ZNF620: variants seen among roughly 807,000 people sequenced by gnomAD.
ZNF620 encodes the protein zinc finger protein 620.
A neutral mutation model predicts 13.3 loss-of-function variants in ZNF620; 10 were observed. That is an observed-to-expected ratio of 0.75 (90% CI 0.46 to 1.28). The LOEUF (loss-of-function observed/expected upper bound fraction) is 1.28, where lower values mean the gene tolerates loss of function less well. Ranked by LOEUF, ZNF620 falls within the 50% of genes most tolerant of loss-of-function variation. ZNF620 has a pLI of 0.00. For synonymous variants in ZNF620, 166 were observed against 177.6 expected (o/e 0.93, Z 0.52); for missense variants, 461 against 500.2 (o/e 0.92, Z 0.75).
intron 2 of ZNF620, among the ~76,000 whole-genome samples, chr3:40,508,473 A>T (rs1698096861): frequency 6.6e-6 from 1 of 152,202 alleles, no homozygotes; most frequent in Non-Finnish European, 1.5e-5. Context: ...GGGATTTTCC[A>T]GGAGTCTTTC....
chr3:40,510,064 A>C (rs898806593), intron 2 of ZNF620, among the ~76,000 whole-genome samples: 13 of 150,472 alleles, frequency 8.6e-5, no homozygotes, highest in Admixed American at 1.3e-4. Context: ...ACTGTCACCC[A>C]TGCCAGAGTA....
chr3:40,512,063 T>C (rs1313215527), intron 3 of ZNF620, among the ~76,000 whole-genome samples: 3 of 152,162 alleles, frequency 2.0e-5, no homozygotes, highest in African/African-American at 7.2e-5. Flanking sequence ...GAGAGAGCCC[T>C]GCGTTCCCAG....
Position 40,517,056 on chromosome 3 carries a change from A to T in ZNF620, c.*193A>T. The T allele has an allele frequency of 2.0e-6, 1 of 501,178 alleles. No individual in the cohort carries two copies. 31.0% of individuals were successfully genotyped at this position (501,178 alleles called of 1,614,324 possible). On this transcript the variant is annotated 3_prime_UTR_variant, in exon 5 of 5. Coordinates refer to ENST00000314529, the MANE Select transcript of ZNF620 (RefSeq NM_175888.4). ...AGAAGACCAAAAAACAAACAAACAA[A>T]CTTAGAAACATAAAAGGAAATGTAA... is the stretch of plus-strand genomic sequence containing the variant.
intron 4 of ZNF620, among the ~76,000 whole-genome samples, chr3:40,512,913 C>T (rs1698244093): frequency 6.6e-6 from 1 of 152,020 alleles, no homozygotes; most frequent in Non-Finnish European, 1.5e-5. Flanking sequence ...CATGGCTGGC[C>T]ATCTGCATAT....
At chr3:40,512,177 G>C (rs1471445528) in intron 3 of ZNF620, among the ~76,000 whole-genome samples, 1 of 152,218 alleles carries the variant, frequency 6.6e-6, no homozygotes, top group African/African-American at 2.4e-5. Flanking sequence ...TGTCTTCCAA[G>C]TTCTCTGAAG....
intron 2 of ZNF620, among the ~76,000 whole-genome samples, chr3:40,510,078 T>C (rs1026612621): frequency 6.6e-6 from 1 of 151,564 alleles, no homozygotes; most frequent in Non-Finnish European, 1.5e-5. Flanking sequence ...CAGAGTACAG[T>C]AGCACGATCA....
At position 40,515,808 on chromosome 3, in the gene ZNF620, GTGTGTGTGTGTGA is replaced by G. The variant is rs1559551902; in HGVS notation, c.266-50_266-38del. On this transcript the variant is annotated intron_variant, in intron 4 of 4. Transcript: ENST00000314529. Reference sequence around the variant, plus strand: ...TGTGTGTGTGTGTGTGTGTGTGTGTGTGTGTGTGTGTGATATCAGGGACTGACATTTGTATTTT... The same window carrying G: ...TGTGTGTGTGTGTGTGTGTGTGTGTGTATCAGGGACTGACATTTGTATTTT... 371 of 1,444,100 alleles carry G rather than the reference GTGTGTGTGTGTGA, an allele frequency of 2.6e-4. 1 individual carries two copies. Among genetic ancestry groups the G allele is most frequent in the Non-Finnish European group, 8.3e-5 (88 of 1,058,874 alleles). 89.5% of individuals were successfully genotyped at this position (1,444,100 alleles called of 1,614,324 possible). A position where few individuals can be genotyped will look rare whatever the true frequency, so the allele number is the denominator to read the frequency against.
intron 4 of ZNF620, among the ~76,000 whole-genome samples, chr3:40,515,479 C>G (rs1698343275): frequency 6.6e-6 from 1 of 152,216 alleles, no homozygotes; most frequent in African/African-American, 2.4e-5. Context: ...TGGGAGTCTT[C>G]CTCTCACTTA....
chr3:40,507,089 GTTTTTTTTTT>G (rs370195603), intron 2 of ZNF620, among the ~76,000 whole-genome samples: 1 of 98,144 alleles, frequency 1.0e-5, no homozygotes, highest in African/African-American at 4.2e-5. Context: ...TGACCATATG[GTTTTTTTTTT>G]TTTTTTTTTT....
intron 3 of ZNF620, 112 bp downstream of exon 3, chr3:40,511,708 G>C (rs1698205520): frequency 1.5e-6 from 2 of 1,369,902 alleles, no homozygotes; most frequent in Non-Finnish European, 1.9e-6. Context: ...TGAGACAAGA[G>C]TCTCCCTCTG....
intron 2 of ZNF620, among the ~76,000 whole-genome samples, chr3:40,510,507 T>G (rs1270399444): frequency 6.6e-6 from 1 of 152,196 alleles, no homozygotes; most frequent in Non-Finnish European, 1.5e-5. Context: ...TTGTTGGTCC[T>G]TCCTTCTCTA....
intron 2 of ZNF620, among the ~76,000 whole-genome samples, chr3:40,510,304 T>TC (rs1401489150): frequency 6.6e-6 from 1 of 152,158 alleles, no homozygotes; most frequent in Non-Finnish European, 1.5e-5. Flanking sequence ...TAATCTGTAA[T>TC]CCCTGCATTT....
chr3:40,516,498 C>T lies in ZNF620; in HGVS notation c.904C>T (p.His302Tyr). Reference protein sequence around the residue: ...SSVFLQHQRFHTGEKLYECNE... With the variant: ...SSVFLQHQRFYTGEKLYECNE... ...TGTCTTCCTCCAGCACCAGAGGTTC[C>T]ACACTGGGGAGAAGCTCTATGAATG... The change falls in exon 5 of 5, where the codon CAC becomes TAC. Residue 302 changes from histidine (H) to tyrosine (Y), a missense_variant. Transcript: ENST00000314529. The T allele has an allele frequency of 1.2e-6, 2 of 1,614,128 alleles. No homozygotes were observed. The highest frequency in any genetic ancestry group is 4.5e-5 in the East Asian group (2 of 44,880).
intron 2 of ZNF620, 109 bp downstream of exon 2, chr3:40,506,485 CATCTGTCACTATGA>C: frequency 8.2e-7 from 1 of 1,213,902 alleles, no homozygotes; most frequent in Non-Finnish European, 1.2e-6. Flanking sequence ...TTCCATTGTG[CATCTGTCACTATGA>C]GAGGGATGGA....
At chr3:40,513,316 A>AAAAAACAT (rs1193351404) in intron 4 of ZNF620, among the ~76,000 whole-genome samples, 1 of 62,684 alleles carries the variant, frequency 1.6e-5, no homozygotes, top group African/African-American at 8.6e-5. Context: ...AAAAAAAAAA[A>AAAAAACAT]ATATATATAT....
chr3:40,513,316 AATATATATATATAT>A (rs71618944), intron 4 of ZNF620, among the ~76,000 whole-genome samples: 1 of 62,682 alleles, frequency 1.6e-5, no homozygotes. Flanking sequence ...AAAAAAAAAA[AATATATATATATAT>A]ATATATATAT....
chr3:40,515,024 G>A (rs557637681), intron 4 of ZNF620, among the ~76,000 whole-genome samples: 2 of 152,254 alleles, frequency 1.3e-5, no homozygotes, highest in South Asian at 2.1e-4. Context: ...GTCTGCAAAA[G>A]GTTTTGATAG....
At chr3:40,508,606 C>A in intron 2 of ZNF620, 1 of 361,758 alleles carries the variant, frequency 2.8e-6, no homozygotes, top group South Asian at 2.1e-5. Context: ...TCTACATTGT[C>A]TTATATGAAT....
At chr3:40,511,768 A>G (rs1698209026) in intron 3 of ZNF620, among the ~76,000 whole-genome samples, 172 bp downstream of exon 3, 1 of 150,162 alleles carries the variant, frequency 6.7e-6, no homozygotes, top group Admixed American at 6.6e-5. Flanking sequence ...TACAACCTCC[A>G]CCTCCCAGGT....
Sources: gnomAD v4.1 joint callset for allele counts (sites outside exome capture counted in the v4.1 genomes callset) on GRCh38, gnomAD v4.1.1 for gene constraint, MANE v1.5 for transcripts, NCBI Gene and HGNC (gene_info 2026-07-23, HGNC 2026-07-21) for gene names.